The following RBPJ variants were observed in gnomAD, a reference collection of about 807,000 sequenced individuals.
RBPJ encodes the protein recombination signal binding protein for immunoglobulin kappa J region.
In RBPJ, 9 loss-of-function variants were observed where a neutral mutation model predicts 67.8. The observed-to-expected ratio is 0.13, with a 90% CI of 0.08 to 0.23. RBPJ has a LOEUF of 0.23. Among genes scored for constraint, RBPJ ranks in the 10% least tolerant of loss-of-function variants. RBPJ has a pLI of 1.00. For missense variants in RBPJ, 305 were observed against 595.6 expected, an observed-to-expected ratio of 0.51 and a Z score of 5.08; for synonymous variants, 198 against 203.3, an observed-to-expected ratio of 0.97 and a Z score of 0.22.
intron 1 of RBPJ, among the ~76,000 whole-genome samples, chr4:26,182,170 G>T (rs536637009): frequency 6.6e-6 from 1 of 152,030 alleles, no homozygotes; most frequent in Non-Finnish European, 1.5e-5. Context: ...GTGAAACCCC[G>T]TCTCTACTAA....
chr4:26,312,668 C>T (rs1029073516), intron 1 of RBPJ, among the ~76,000 whole-genome samples: 10 of 152,162 alleles, frequency 6.6e-5, no homozygotes, highest in Non-Finnish European at 1.3e-4. Context: ...TTAGGTCTTC[C>T]TTCATTGTAC....
At chr4:26,405,294 T>A (rs1733278821) in intron 2 of RBPJ, among the ~76,000 whole-genome samples, 2 of 152,216 alleles carry the variant, frequency 1.3e-5, no homozygotes, top group African/African-American at 4.8e-5. Context: ...TATGCTCTTA[T>A]ACCTGATATT....
At chr4:26,414,310 T>G (rs910218115) in intron 3 of RBPJ, among the ~76,000 whole-genome samples, 2 of 152,048 alleles carry the variant, frequency 1.3e-5, no homozygotes, top group Admixed American at 1.3e-4. Flanking sequence ...GCTGGGACTA[T>G]AGGCGCCTGC....
intron 1 of RBPJ, among the ~76,000 whole-genome samples, chr4:26,244,822 CGAGGTT>C (rs1719873357): frequency 1.3e-5 from 2 of 151,836 alleles, no homozygotes; most frequent in Non-Finnish European, 2.9e-5. Context: ...TTAGTAGAGG[CGAGGTT>C]TTGACATGTT....
chr4:26,369,865 A>T (rs550570432), intron 1 of RBPJ, among the ~76,000 whole-genome samples: 43 of 151,712 alleles, frequency 2.8e-4, no homozygotes, highest in African/African-American at 1.0e-3. Flanking sequence ...CTTCCAACCT[A>T]CCAGCCCCTT....
the RBPJ span, among the ~76,000 whole-genome samples, chr4:26,121,873 CTTTTTTTTTTT>C: frequency 2.7e-4 from 25 of 94,112 alleles, no homozygotes; most frequent in Non-Finnish European, 2.9e-4. Context: ...GAGTATCTCT[CTTTTTTTTTTT>C]TTTTTTTTTT....
intron 1 of RBPJ, among the ~76,000 whole-genome samples, chr4:26,344,095 G>A (rs539130097): frequency 2.4e-4 from 36 of 152,112 alleles, no homozygotes; most frequent in African/African-American, 8.7e-4. Flanking sequence ...TGTTGGCCAG[G>A]CTGATCTTGA....
At chr4:26,133,965 G>A in the RBPJ span, among the ~76,000 whole-genome samples, 2 of 151,934 alleles carry the variant, frequency 1.3e-5, no homozygotes, top group African/African-American at 4.8e-5. Context: ...TCTCCAACAG[G>A]GACTGTCAGA....
intron 1 of RBPJ, among the ~76,000 whole-genome samples, chr4:26,274,698 G>A (rs1199677657): frequency 6.6e-6 from 1 of 152,150 alleles, no homozygotes; most frequent in African/African-American, 2.4e-5. Flanking sequence ...CTCTTCGGGA[G>A]GCTGAGGCTG....
At chr4:26,316,827 C>CTTTTTTT (rs56130072), upstream of RBPJ, among the ~76,000 whole-genome samples, 18 of 71,396 alleles carry the variant, frequency 2.5e-4, 6 homozygotes, top group Admixed American at 7.5e-4. Context: ...ACCCAGACGA[C>CTTTTTTT]TTTTTTTTTT....
At chr4:26,353,609 C>CT (rs5856939) in intron 1 of RBPJ, among the ~76,000 whole-genome samples, 1,904 of 127,680 alleles carry the variant, frequency 0.015, 16 homozygotes, top group African/African-American at 0.02. Flanking sequence ...TCACAGTATT[C>CT]TTTTTTTTTT....
At chr4:26,190,721 C>T (rs6817141) in intron 1 of RBPJ, among the ~76,000 whole-genome samples, 6,391 of 152,188 alleles carry the variant, frequency 0.042, 191 homozygotes, top group Non-Finnish European at 0.057. Context: ...GCTGTTTGAC[C>T]CTTCTCTGTA....
At chr4:26,138,153 C>G in the RBPJ span, among the ~76,000 whole-genome samples, 1 of 152,362 alleles carries the variant, frequency 6.6e-6, no homozygotes, top group South Asian at 2.1e-4. Flanking sequence ...GGGAGGCAGA[C>G]AGAGAAACAT....
chr4:26,194,843 C>T (rs1717693822), intron 1 of RBPJ, among the ~76,000 whole-genome samples: 1 of 152,164 alleles, frequency 6.6e-6, no homozygotes, highest in African/African-American at 2.4e-5. Flanking sequence ...GTCTCTGCTG[C>T]CCTGGTTTTG....
intron 1 of RBPJ, among the ~76,000 whole-genome samples, chr4:26,352,340 G>T (rs1726894420): frequency 6.6e-6 from 1 of 152,144 alleles, no homozygotes; most frequent in Admixed American, 6.5e-5. Flanking sequence ...TCTCTCTCAA[G>T]CCTCTTTTAT....
At chr4:26,362,718 T>C (rs374743709) in intron 1 of RBPJ, 39 of 1,032,728 alleles carry the variant, frequency 3.8e-5, no homozygotes, top group Non-Finnish European at 4.9e-5. Flanking sequence ...ATTTAAGATA[T>C]TCTGTATTTA....
intron 1 of RBPJ, among the ~76,000 whole-genome samples, chr4:26,354,106 A>AT (rs1176230993): frequency 6.9e-6 from 1 of 145,866 alleles, no homozygotes; most frequent in African/African-American, 2.6e-5. Context: ...AATTTTTTGT[A>AT]TTTTTTAGTA....
intron 1 of RBPJ, among the ~76,000 whole-genome samples, chr4:26,266,082 T>C (rs895121337): frequency 2.6e-5 from 4 of 152,140 alleles, no homozygotes; most frequent in African/African-American, 9.7e-5. Context: ...CCTTCCAATT[T>C]CCCTTAAATT....
chr4:26,107,393 A>C, the RBPJ span, among the ~76,000 whole-genome samples: 2 of 152,174 alleles, frequency 1.3e-5, no homozygotes, highest in Non-Finnish European at 2.9e-5. Context: ...CACCCTCCAG[A>C]AGAGCAGTGC....
Sources: allele counts gnomAD v4.1 joint callset (sites outside exome capture counted in the v4.1 genomes callset), GRCh38; gene constraint gnomAD v4.1.1; transcripts MANE v1.5; gene names NCBI Gene and HGNC (gene_info 2026-07-23, HGNC 2026-07-21).